Variants in MICU1 observed in about 807,000 individuals in gnomAD.
MICU1 encodes the protein mitochondrial calcium uptake 1, also known as calcium uptake protein 1, mitochondrial.
In MICU1, 45 loss-of-function variants were observed where a neutral mutation model predicts 56.8. That is an observed-to-expected ratio of 0.79 (90% CI 0.62 to 1.02). The LOEUF (loss-of-function observed/expected upper bound fraction) is 1.02. MICU1 is among the 50% of genes least tolerant of loss of function. The pLI is 0.00. For missense variants in MICU1, 504 were observed against 587.1 expected, an observed-to-expected ratio of 0.86 and a Z score of 1.46; for synonymous variants, 186 against 195.1, an observed-to-expected ratio of 0.95 and a Z score of 0.39.
intron 8 of MICU1, among the ~76,000 whole-genome samples, chr10:72,424,116 C>G (rs1054845453): frequency 3.6e-5 from 4 of 110,354 alleles, no homozygotes; most frequent in African/African-American, 1.0e-4. Flanking sequence ...ACCATTTCCC[C>G]CCCACCTTTT....
rs141275440 is a variant in MICU1, at chr10:72,535,021, T to TTTTATTTTATTTTA, written c.494-1246_494-1233dup. Among the ~76,000 whole-genome samples the TTTTATTTTATTTTA allele has an allele frequency of 5.1e-3, 481 of 94,464 alleles. 9 individuals carry two copies. The highest frequency in any genetic ancestry group is 0.015 in the Middle Eastern group (3 of 206). The allele number at this position is 94,464 out of a possible 152,430, so 62.0% of individuals were successfully genotyped here. ...TCCCTCTATTTTTTATTTTATTTTA[T>TTTTATTTTATTTTA]TTTATTTTATTTTATTTATTTATTT... On this transcript the variant is annotated intron_variant, in intron 4 of 11. Transcript: ENST00000361114.
chr10:72,575,904 T>C (rs1479424745), intron 1 of MICU1, among the ~76,000 whole-genome samples: 1 of 152,050 alleles, frequency 6.6e-6, no homozygotes, highest in Non-Finnish European at 1.5e-5. Context: ...ATTTCACACA[T>C]CTCACTTTCA....
At position 72,600,749 on chromosome 10, in the gene MICU1, A is replaced by C. The variant is rs987445366; in HGVS notation, c.-2+25261T>G. 5.3e-5 allele frequency among the ~76,000 whole-genome samples: 8 copies of C among 152,306 alleles called. No homozygotes were observed. The East Asian group carries it at 1.5e-3, about 29-fold the overall frequency. On this transcript the variant is annotated intron_variant, in intron 1 of 11. Transcript: ENST00000361114. ...ACTATGCATGATAAGTGCTTAGTTA[A>C]AATGTGAAAAGCATTAAATTTGTGA...
At chr10:72,528,036 G>C (rs1444429015) in intron 5 of MICU1, among the ~76,000 whole-genome samples, 1 of 152,136 alleles carries the variant, frequency 6.6e-6, no homozygotes, top group African/African-American at 2.4e-5. Context: ...ATATTGGCCA[G>C]GTTGGTCTTG....
At chr10:72,404,600 T>C (rs1863569068) in intron 10 of MICU1, among the ~76,000 whole-genome samples, 1 of 152,126 alleles carries the variant, frequency 6.6e-6, no homozygotes, top group Admixed American at 6.5e-5. Flanking sequence ...TAAAAGGGGA[T>C]TTCAGATTCT....
intron 6 of MICU1, among the ~76,000 whole-genome samples, chr10:72,498,746 T>G (rs1276263329): frequency 1.3e-5 from 2 of 152,244 alleles, no homozygotes; most frequent in African/African-American, 2.4e-5. Context: ...CACAAGGAAT[T>G]GATTCCATGG....
intron 6 of MICU1, among the ~76,000 whole-genome samples, chr10:72,505,776 T>C (rs776989697): frequency 4.0e-5 from 6 of 151,896 alleles, no homozygotes; most frequent in Non-Finnish European, 8.8e-5. Context: ...CATGTGGACA[T>C]AAAGATGGGA....
intron 6 of MICU1, among the ~76,000 whole-genome samples, chr10:72,494,854 A>C (rs1456574109): frequency 6.6e-6 from 1 of 152,026 alleles, no homozygotes; most frequent in African/African-American, 2.4e-5. Context: ...AAAAAAAAAA[A>C]AACAAAACAA....
At chr10:72,557,295 T>C (rs1489486553) in intron 3 of MICU1, among the ~76,000 whole-genome samples, 4 of 152,144 alleles carry the variant, frequency 2.6e-5, no homozygotes, top group East Asian at 1.9e-4. Flanking sequence ...GCAGCCAACA[T>C]ATATGGCTTC....
chr10:72,477,589 T>C, intron 6 of MICU1: 1 of 1,515,080 alleles, frequency 6.6e-7, no homozygotes. Flanking sequence ...GTTGCTTCAA[T>C]ATGGTATTAC....
chr10:72,589,037 C>T (rs904080401), intron 1 of MICU1, among the ~76,000 whole-genome samples: 9 of 152,150 alleles, frequency 5.9e-5, no homozygotes, highest in Admixed American at 5.2e-4. Flanking sequence ...CCTGTAATCC[C>T]AGCACTTTGG....
chr10:72,534,211 A>C, intron 4 of MICU1, among the ~76,000 whole-genome samples: 1 of 152,090 alleles, frequency 6.6e-6, no homozygotes, highest in Admixed American at 6.5e-5. Flanking sequence ...AAAAAAAAAA[A>C]AACTATTGCA....
chr10:72,491,570 C>T (rs1228332228), intron 6 of MICU1, among the ~76,000 whole-genome samples: 1 of 152,140 alleles, frequency 6.6e-6, no homozygotes, highest in African/African-American at 2.4e-5. Flanking sequence ...TAACTTGGGT[C>T]AGGTGTGGTC....
At chr10:72,609,473 G>A (rs998504676) in intron 1 of MICU1, among the ~76,000 whole-genome samples, 3 of 152,086 alleles carry the variant, frequency 2.0e-5, no homozygotes, top group African/African-American at 4.8e-5. Context: ...GGAGACTCAC[G>A]CCTGCAATCT....
intron 10 of MICU1, chr10:72,392,144 C>T (rs1033937222): frequency 2.6e-5 from 4 of 151,988 alleles, no homozygotes; most frequent in African/African-American, 9.7e-5. Context: ...ACTATGCAAC[C>T]GTTTCACATA....
chr10:72,529,382 T>C (rs763389144), intron 5 of MICU1, among the ~76,000 whole-genome samples: 2 of 152,190 alleles, frequency 1.3e-5, no homozygotes, highest in Non-Finnish European at 2.9e-5. Context: ...GGTATGATGA[T>C]AATGAACAAT....
At chr10:72,455,689 T>C (rs1257560959) in intron 8 of MICU1, among the ~76,000 whole-genome samples, 2 of 152,140 alleles carry the variant, frequency 1.3e-5, no homozygotes, top group Admixed American at 6.5e-5. Flanking sequence ...AATTACAAGC[T>C]GGAAATGAAA....
chr10:72,532,811 T>C (rs1839524232), intron 5 of MICU1: 2 of 977,036 alleles, frequency 2.0e-6, no homozygotes, highest in African/African-American at 3.5e-5. Context: ...TTAGCTGAGA[T>C]CTCTCCCAAA....
At chr10:72,502,158 GT>G (rs1256587038) in intron 6 of MICU1, among the ~76,000 whole-genome samples, 3,892 of 131,716 alleles carry the variant, frequency 0.03, 67 homozygotes, top group Non-Finnish European at 0.037. Context: ...TTTTTTTTTT[GT>G]TTTTTTTTTT....
Sources: allele counts gnomAD v4.1 joint callset (sites outside exome capture counted in the v4.1 genomes callset), GRCh38; gene constraint gnomAD v4.1.1; transcripts MANE v1.5; gene names NCBI Gene and HGNC (gene_info 2026-07-23, HGNC 2026-07-21).